The following PIK3CB variants were observed in gnomAD, a reference collection of about 807,000 sequenced individuals.
PIK3CB encodes the protein phosphatidylinositol 4,5-bisphosphate 3-kinase catalytic subunit beta isoform.
PIK3CB carries 39 observed loss-of-function variants against 136.8 expected under a neutral mutation model. The ratio of observed to expected loss-of-function variants is 0.29; its 90% CI spans 0.22 to 0.37. The LOEUF (loss-of-function observed/expected upper bound fraction) is 0.37. Among genes scored for constraint, PIK3CB ranks in the 10% least tolerant of loss-of-function variants. The pLI is 1.00. For missense variants in PIK3CB, 868 were observed against 1,275.4 expected (o/e 0.68, Z 4.87); for synonymous variants, 428 against 436.6 (o/e 0.98, Z 0.25).
chr3:138,670,683 T>G (rs2043515086), intron 19 of PIK3CB, among the ~76,000 whole-genome samples: 1 of 152,208 alleles, frequency 6.6e-6, no homozygotes, highest in Non-Finnish European at 1.5e-5. Context: ...AATGACCTAT[T>G]CCTCTTATCT....
At position 138,665,151 on chromosome 3, in the gene PIK3CB, C is replaced by T. The variant is rs2108422556; in HGVS notation, c.2557G>A (p.Val853Ile). Residue 853 changes from valine to isoleucine, a missense_variant, in exon 20 of 24, where the codon GTT (valine) becomes ATT (isoleucine). Transcript: ENST00000674063. ...GCAATTGTTTCAGAGGTGCTCACAA[C>T]TTCAATGAGGCCAGAGCGATCTCCT... ...ATGDRSGLIE[V>I]VSTSETIADI... is the part of the protein sequence containing the mutation. 2 of 1,613,340 alleles carry T rather than the reference C, an allele frequency of 1.2e-6. No individual in the cohort carries two copies. The highest frequency in any genetic ancestry group is 1.7e-6 in the Non-Finnish European group (2 of 1,179,594).
chr3:138,664,982 G>C (rs2043377317), intron 20 of PIK3CB, 54 bp downstream of exon 20: 5 of 1,250,240 alleles, frequency 4.0e-6, no homozygotes, highest in South Asian at 1.5e-5. Context: ...GGAGCATACA[G>C]TATTTGTTTG....
At chr3:138,784,677 C>A (rs966815214) in intron 2 of PIK3CB, among the ~76,000 whole-genome samples, 11 of 152,178 alleles carry the variant, frequency 7.2e-5, no homozygotes, top group African/African-American at 2.7e-4. Context: ...GTGATCTGCC[C>A]GCATGGGCCT....
At chr3:138,679,278 T>C (rs1343255552) in intron 19 of PIK3CB, among the ~76,000 whole-genome samples, 1 of 152,100 alleles carries the variant, frequency 6.6e-6, no homozygotes. Context: ...TTAGAAATCA[T>C]AAAGAGAACA....
intron 19 of PIK3CB, among the ~76,000 whole-genome samples, chr3:138,675,653 C>G (rs114716732): frequency 0.017 from 2,653 of 152,186 alleles, 33 homozygotes; most frequent in Middle Eastern, 0.034. Flanking sequence ...AGTGGGATGA[C>G]ATATTAGACA....
intron 14 of PIK3CB, 22 bp from the exon 15 acceptor site, chr3:138,691,165 G>C: frequency 1.9e-6 from 3 of 1,605,718 alleles, no homozygotes; most frequent in Non-Finnish European, 2.6e-6. Context: ...AAAAGACACA[G>C]TGAGTAACCA....
chr3:138,690,124 AG>A (rs2043975939), intron 15 of PIK3CB, among the ~76,000 whole-genome samples: 1 of 152,094 alleles, frequency 6.6e-6, no homozygotes, highest in Non-Finnish European at 1.5e-5. Context: ...AGTAAAAAAA[AG>A]AGTGGAAAAA....
chr3:138,792,833 A>G (rs2046067717), intron 2 of PIK3CB, among the ~76,000 whole-genome samples: 1 of 152,062 alleles, frequency 6.6e-6, no homozygotes, highest in Non-Finnish European at 1.5e-5. Flanking sequence ...ACTGGAGTGC[A>G]GTGGTCCAAT....
chr3:138,670,354 T>G (rs1011635737), intron 19 of PIK3CB, among the ~76,000 whole-genome samples: 2 of 152,226 alleles, frequency 1.3e-5, no homozygotes, highest in Admixed American at 6.5e-5. Flanking sequence ...GTGTAGCTTC[T>G]GTGCTAACCT....
chr3:138,780,273 G>GT (rs565486232), intron 2 of PIK3CB, among the ~76,000 whole-genome samples: 75 of 150,612 alleles, frequency 5.0e-4, no homozygotes, highest in African/African-American at 7.1e-4. Flanking sequence ...TTGTTTTTTT[G>GT]TTTTTTTTGT....
At chr3:138,775,261 T>C (rs924282283) in intron 2 of PIK3CB, among the ~76,000 whole-genome samples, 1 of 152,164 alleles carries the variant, frequency 6.6e-6, no homozygotes, top group African/African-American at 2.4e-5. Flanking sequence ...AGAAGAAAAC[T>C]GCAGAGGGAC....
intron 1 of PIK3CB, among the ~76,000 whole-genome samples, chr3:138,828,215 T>A (rs1357184895): frequency 6.9e-6 from 1 of 144,288 alleles, no homozygotes; most frequent in Non-Finnish European, 1.5e-5. Context: ...AGATGGAGTC[T>A]CGCTCTATCG....
At chr3:138,768,258 T>A (rs1272002701) in intron 2 of PIK3CB, among the ~76,000 whole-genome samples, 2 of 152,060 alleles carry the variant, frequency 1.3e-5, no homozygotes, top group Admixed American at 6.5e-5. Context: ...GTTGTGCTGA[T>A]GTCTGCTGCT....
At chr3:138,818,472 C>T (rs1487261322) in intron 1 of PIK3CB, among the ~76,000 whole-genome samples, 2 of 152,178 alleles carry the variant, frequency 1.3e-5, no homozygotes, top group Non-Finnish European at 2.9e-5. Context: ...TCTTTAATGT[C>T]CATTTCAGCT....
rs142480589 is a variant in PIK3CB at position 138,669,280 on chromosome 3, C to A, written c.2505-4077G>T. On this transcript the variant is annotated intron_variant, in intron 19 of 23. Coordinates refer to ENST00000674063, the MANE Select transcript of PIK3CB (RefSeq NM_006219.3). The stretch of plus-strand genomic sequence containing the variant: ...TAAAAAAATTAGCCAGGTGTGATGA[C>A]AGGTGCCTGTGGCAGCTACTCAGGA... Among the ~76,000 whole-genome samples the A allele has an allele frequency of 5.9e-3, 894 of 151,746 alleles. 5 individuals carry two copies. Among genetic ancestry groups the A allele is most frequent in the African/African-American group, 0.02 (813 of 41,398 alleles).
chr3:138,705,171 AAAC>A (rs1559828577), intron 11 of PIK3CB, among the ~76,000 whole-genome samples: 12 of 88,262 alleles, frequency 1.4e-4, no homozygotes, highest in African/African-American at 5.0e-4. Flanking sequence ...AAAAAAAAAA[AAAC>A]AAAAAACAAA....
At chr3:138,683,881 A>G (rs2043830751) in intron 17 of PIK3CB, 94 bp from the exon 18 acceptor site, 1 of 713,068 alleles carries the variant, frequency 1.4e-6, no homozygotes, top group Admixed American at 2.1e-5. Flanking sequence ...AAAACTCCTC[A>G]CCTATTCCTG....
At chr3:138,719,231 C>T in intron 8 of PIK3CB, among the ~76,000 whole-genome samples, 1 of 137,572 alleles carries the variant, frequency 7.3e-6, no homozygotes, top group African/African-American at 2.6e-5. Flanking sequence ...TACATTAGCT[C>T]AGTATTTTTT....
At position 138,737,213 on chromosome 3, in the gene PIK3CB, T is replaced by C. The variant is rs1205448909; in HGVS notation, c.801+494A>G. Among the ~76,000 whole-genome samples, 2 of 151,400 alleles carry C rather than the reference T, an allele frequency of 1.3e-5. 1 individual carries two copies. Among genetic ancestry groups the C allele is most frequent in the African/African-American group, 4.8e-5 (2 of 41,254 alleles). On this transcript the variant is annotated intron_variant, in intron 6 of 23. Coordinates refer to ENST00000674063, the MANE Select transcript of PIK3CB (RefSeq NM_006219.3). ...TTTGAGACCAGCTTGGCCAAGATGG[T>C]GAAACCCCATCTCTACTAAAAATAC...
Sources: allele counts gnomAD v4.1 joint callset (sites outside exome capture counted in the v4.1 genomes callset), GRCh38; gene constraint gnomAD v4.1.1; transcripts MANE v1.5; gene names NCBI Gene and HGNC (gene_info 2026-07-23, HGNC 2026-07-21).